RNF31: variants seen among roughly 807,000 people sequenced by gnomAD.
RNF31 encodes the protein E3 ubiquitin-protein ligase RNF31.
Under a neutral mutation model 133.6 loss-of-function variants are expected in RNF31, and 38 were observed. The ratio of observed to expected loss-of-function variants is 0.28; its 90% CI spans 0.22 to 0.37. RNF31 has a LOEUF of 0.37. Among genes scored for constraint, RNF31 ranks in the 10% least tolerant of loss-of-function variants. RNF31 has a pLI of 1.00. For missense variants in RNF31, 1,118 were observed against 1,394.1 expected (o/e 0.80, Z 3.15); for synonymous variants, 582 against 552.3 (o/e 1.05, Z -0.75).
chr14:24,153,273 C>T (rs2038295444), intron 11 of RNF31, among the ~76,000 whole-genome samples: 1 of 151,376 alleles, frequency 6.6e-6, no homozygotes, highest in Non-Finnish European at 1.5e-5. Context: ...AACAAGACTC[C>T]CATCTCTAAA....
Position 24,151,101 on chromosome 14 carries a change from C to G in RNF31, c.1489-30C>G. 6.2e-7 allele frequency: 1 copy of G among 1,609,406 alleles called. No homozygotes were observed. Among genetic ancestry groups the G allele is most frequent in the Non-Finnish European group, 8.5e-7 (1 of 1,177,066 alleles). On this transcript the variant is annotated intron_variant, in intron 8 of 20. Coordinates refer to ENST00000324103, the MANE Select transcript of RNF31 (RefSeq NM_017999.5). The surrounding 1 kb of genome is among the most constrained non-coding windows in gnomAD (Gnocchi z 5.3). ...TCAGGCTGAGGGTGGGTGAAGGGTG[C>G]CCCTCCTGATGGGCGGGACTGTGCC...
Position 24,148,061 on chromosome 14 carries a change from G to C in RNF31, c.278G>C (p.Arg93Pro). ...GRNLLSPQRPRYWRGVKFNNP... is the reference protein window; with the variant it reads ...GRNLLSPQRPPYWRGVKFNNP... ...AACCTTCTCAGCCCTCAGCGGCCTC[G>C]GTACTGGCGTGGTGTCAAGTTTAAT... Residue 93 changes from arginine to proline, a missense_variant, in exon 2 of 21, where the codon CGG becomes CCG. Physicochemically the swap from Arg to Pro is moderately radical, Grantham distance 103 (BLOSUM62 -2). Coordinates refer to ENST00000324103, the MANE Select transcript of RNF31 (RefSeq NM_017999.5). The C allele has an allele frequency of 6.2e-7, 1 of 1,614,220 alleles. No individual in the cohort carries two copies. Among genetic ancestry groups the C allele is most frequent in the Non-Finnish European group, 8.5e-7 (1 of 1,180,032 alleles).
chr14:24,147,720 C>T lies in RNF31; in HGVS notation c.22C>T (p.Arg8Trp). The change falls in exon 1 of 21, where the codon CGG (arginine) becomes TGG (tryptophan). Residue 8 changes from arginine to tryptophan, a missense_variant. Arg to Trp is a moderately radical substitution (Grantham distance 101). Around this residue, in one of 3 missense-constraint regions of RNF31, gnomAD observed 747 missense variants for 827.9 expected, o/e 0.90. Coordinates refer to ENST00000324103, the MANE Select transcript of RNF31 (RefSeq NM_017999.5). ...CAGGATGCCGGGGGAGGAAGAGGAG[C>T]GGGCCTTCCTGGTGGCCCGCGAGGA... MPGEEEE[R>W]AFLVAREELA... 1.3e-6 allele frequency: 2 copies of T among 1,538,440 alleles called. No homozygotes were observed. Among genetic ancestry groups the T allele is most frequent in the Non-Finnish European group, 1.7e-6 (2 of 1,148,030 alleles).
Position 24,155,873 on chromosome 14 carries a change from C to T in RNF31, c.2493+181C>T, listed in dbSNP as rs1297015020. 3.3e-5 allele frequency among the ~76,000 whole-genome samples: 5 copies of T among 150,678 alleles called. No individual in the cohort carries two copies. The East Asian group carries it at 5.8e-4, about 18-fold the overall frequency. ...AGGGAAGCAGAGGGAGGGAGGAAAT[C>T]GGGAGGGAAAGGAAAGGGGAGGAGG... On this transcript the variant is annotated intron_variant, in intron 14 of 20. Coordinates refer to ENST00000324103, the MANE Select transcript of RNF31 (RefSeq NM_017999.5). The surrounding 1 kb of genome is among the most constrained non-coding windows in gnomAD (Gnocchi z 4.9).
chr14:24,152,853 A>G (rs2038286399), intron 11 of RNF31, among the ~76,000 whole-genome samples: 2 of 151,882 alleles, frequency 1.3e-5, no homozygotes, highest in African/African-American at 4.8e-5. Context: ...AGGCCAAGGC[A>G]GGCCGATCAT....
chr14:24,150,686 G>C lies in RNF31; in HGVS notation c.1286G>C (p.Cys429Ser). 6.2e-7 allele frequency: 1 copy of C among 1,614,182 alleles called. No individual in the cohort carries two copies. Among genetic ancestry groups the C allele is most frequent in the Non-Finnish European group, 8.5e-7 (1 of 1,180,032 alleles). ...TFCNSSPGWV[C>S]VMCNRTSSPI... ...TGCAACTCGAGCCCTGGCTGGGTGT[G>C]TGTTATGTGCAACCGGACTAGTAGC... Residue 429 changes from cysteine (C) to serine (S), a missense_variant, in exon 8 of 21, where the codon TGT becomes TCT. By Grantham distance (112) the Cys-to-Ser change is moderately radical (BLOSUM62 -1). Transcript: ENST00000324103.
chr14:24,148,445 T>C (rs752637313), intron 3 of RNF31, 32 bp downstream of exon 3: 42 of 1,613,602 alleles, frequency 2.6e-5, no homozygotes, highest in African/African-American at 1.3e-4. Context: ...GATGGACTTA[T>C]GCACCAGGGC....
In RNF31 at chr14:24,155,336, G is replaced by A; in HGVS notation, c.2304+6G>A. Reference sequence around the variant, plus strand: ...TCTCTACCCTTGACATCCAGGTACTGCAGCCCCTCTAGGACTCAGGTACCC... The same window carrying A: ...TCTCTACCCTTGACATCCAGGTACTACAGCCCCTCTAGGACTCAGGTACCC... On this transcript the variant is annotated splice_donor_region_variant and intron_variant, in intron 12 of 20. Transcript: ENST00000324103. This position sits in a 1 kb window ranked among gnomAD's most constrained non-coding sequence, Gnocchi z 4.9. 2 of 1,614,142 alleles carry A rather than the reference G, an allele frequency of 1.2e-6. No homozygotes were observed. The highest frequency in any genetic ancestry group is 1.3e-5 in the African/African-American group (1 of 75,042).
At chr14:24,157,008 A>G (rs909887367) in intron 14 of RNF31, among the ~76,000 whole-genome samples, 2 of 152,122 alleles carry the variant, frequency 1.3e-5, no homozygotes, top group Admixed American at 1.3e-4. Context: ...AATTGAGGCA[A>G]GGTCTGATGG....
intron 5 of RNF31, 36 bp downstream of exon 5, chr14:24,148,912 G>A: frequency 1.3e-6 from 2 of 1,561,470 alleles, no homozygotes; most frequent in Non-Finnish European, 1.8e-6. Context: ...CAGGTAGGAA[G>A]CTATATTGAT....
chr14:24,149,002 T>G, intron 5 of RNF31, 126 bp downstream of exon 5: 6 of 939,218 alleles, frequency 6.4e-6, no homozygotes, highest in Non-Finnish European at 1.0e-5. Flanking sequence ...TTGCTCTTGT[T>G]GCCCAGGCTG....
intron 14 of RNF31, among the ~76,000 whole-genome samples, chr14:24,156,289 C>T (rs1485056886): frequency 6.6e-6 from 1 of 152,160 alleles, no homozygotes; most frequent in Non-Finnish European, 1.5e-5. Flanking sequence ...GATACTATCT[C>T]ATTTATCTTT....
In RNF31 at chr14:24,149,537, C is replaced by G; in HGVS notation, c.763C>G (p.Arg255Gly). Residue 255 changes from arginine (R) to glycine (G), a missense_variant, in exon 6 of 21, where the codon CGC (arginine) becomes GGC (glycine). By Grantham distance (125) the Arg-to-Gly change is moderately radical. This residue lies in a region of RNF31 where 747 missense variants were observed against 827.9 expected (regional missense o/e 0.90). Coordinates refer to ENST00000324103, the MANE Select transcript of RNF31 (RefSeq NM_017999.5). ...HGHPSRAHHL[R>G]QTLPGVLQGT... ...ACACCCATCCCGTGCTCATCACCTC[C>G]GCCAGACCCTGCCTGGGGTCCTGCA... 6.2e-7 allele frequency: 1 copy of G among 1,614,144 alleles called. No homozygotes were observed. Among genetic ancestry groups the G allele is most frequent in the Non-Finnish European group, 8.5e-7 (1 of 1,180,020 alleles).
rs879041548 is a variant in RNF31, at chr14:24,157,398, G to A, written c.2602G>A (p.Gly868Ser). Reference sequence around the variant, plus strand: ...CCTAGCAATGTATCTTCAGGAAAACGGCATTGGTAAGGCCTCCCTACTCGG... The same window carrying A: ...CCTAGCAATGTATCTTCAGGAAAACAGCATTGGTAAGGCCTCCCTACTCGG... ...QGLAMYLQEN[G>S]IDCPKCKFSY... The change falls in exon 15 of 21, where the codon GGC becomes AGC. Residue 868 changes from glycine to serine, a missense_variant. Transcript: ENST00000324103. 2 of 1,608,914 alleles carry A rather than the reference G, an allele frequency of 1.2e-6. No homozygotes were observed. Among genetic ancestry groups the A allele is most frequent in the Non-Finnish European group, 1.7e-6 (2 of 1,175,876 alleles).
chr14:24,158,199 GGTGA>G lies in RNF31; in HGVS notation c.2899+4_2899+7del. The G allele has an allele frequency of 6.2e-7, 1 of 1,614,114 alleles. No individual in the cohort carries two copies. Among genetic ancestry groups the G allele is most frequent in the Non-Finnish European group, 8.5e-7 (1 of 1,179,940 alleles). ...AGCTGGGGCCCGGGCAGTCCCTGGA[GGTGA>G]GTGTTAGGACAAGCCTTTGAGAAGA... On this transcript the variant is annotated splice_donor_variant and splice_donor_region_variant and intron_variant, in intron 18 of 20. Coordinates refer to ENST00000324103, the MANE Select transcript of RNF31 (RefSeq NM_017999.5). LOFTEE classifies it high-confidence loss of function.
chr14:24,147,970 T>C lies in RNF31; in HGVS notation c.193-6T>C, dbSNP rs764825729. 134 of 1,614,040 alleles carry C rather than the reference T, an allele frequency of 8.3e-5. No homozygotes were observed. The highest frequency in any genetic ancestry group is 7.5e-5 in the Non-Finnish European group (88 of 1,180,022). ...GCTCACACCTCTCTGCTCTCCTTGC[T>C]CCCAGCCCCGAAACTACCTCAACAC... On this transcript the variant is annotated splice_region_variant and splice_polypyrimidine_tract_variant and intron_variant, in intron 1 of 20. Transcript: ENST00000324103.
chr14:24,149,697 C>T (rs2038233579), intron 6 of RNF31, 114 bp downstream of exon 6: 1 of 1,050,064 alleles, frequency 9.5e-7, no homozygotes, highest in Non-Finnish European at 1.4e-6. Context: ...GACAAGTAGC[C>T]AGTCAGAACC....
At chr14:24,148,959 T>A in intron 5 of RNF31, 83 bp downstream of exon 5, 1 of 1,191,698 alleles carries the variant, frequency 8.4e-7, no homozygotes, top group East Asian at 2.3e-5. Flanking sequence ...CTTGGTTATC[T>A]TCCTTTGTGT....
In RNF31 at chr14:24,158,029, G is replaced by T; in HGVS notation, c.2841+18G>T. The T allele has an allele frequency of 6.2e-7, 1 of 1,613,390 alleles. No individual in the cohort carries two copies. Among genetic ancestry groups the T allele is most frequent in the Non-Finnish European group, 8.5e-7 (1 of 1,179,338 alleles). ...TGCTACAGGTCAGAGGTGGCCAGGAGAGAAGAAGACAGGGCCCAGGGTGGG... is the reference window on the plus strand; with the variant it reads ...TGCTACAGGTCAGAGGTGGCCAGGATAGAAGAAGACAGGGCCCAGGGTGGG... On this transcript the variant is annotated intron_variant, in intron 17 of 20. Transcript: ENST00000324103.
Sources: allele counts gnomAD v4.1 joint callset (sites outside exome capture counted in the v4.1 genomes callset), GRCh38; gene constraint gnomAD v4.1.1; regional missense constraint gnomAD v4.1.1; non-coding constraint Gnocchi (gnomAD v3.1); transcripts MANE v1.5; gene names NCBI Gene and HGNC (gene_info 2026-07-23, HGNC 2026-07-21).